SLC26A6: variants seen among roughly 807,000 people sequenced by gnomAD.
SLC26A6 encodes the protein solute carrier family 26 member 6.
Under a neutral mutation model 87.1 loss-of-function variants are expected in SLC26A6, and 67 were observed. The observed-to-expected ratio is 0.77, with a 90% confidence interval of 0.63 to 0.94. SLC26A6 has a LOEUF of 0.94. Ranked by LOEUF, SLC26A6 falls within the 40% of genes least tolerant of loss-of-function variation. The pLI, the probability that SLC26A6 is intolerant of heterozygous loss-of-function variation, is 0.00. For missense variants in SLC26A6, 902 were observed against 973.0 expected (o/e 0.93, Z 0.97); for synonymous variants, 414 against 405.9 (o/e 1.02, Z -0.24).
At position 48,627,962 on chromosome 3, in the gene SLC26A6, T is replaced by C; in HGVS notation, c.1877A>G (p.Glu626Gly). The C allele has an allele frequency of 6.3e-7, 1 of 1,593,402 alleles. No homozygotes were observed. Among genetic ancestry groups the C allele is most frequent in the Non-Finnish European group, 8.5e-7 (1 of 1,173,774 alleles). The change falls in exon 17 of 21, where the codon GAG becomes GGG. Residue 626 changes from glutamate (E) to glycine (G), a missense_variant. This residue lies in a region of SLC26A6 where 800 missense variants were observed against 856.8 expected (regional missense o/e 0.93). Coordinates refer to ENST00000395550, the MANE Select transcript of SLC26A6 (RefSeq NM_022911.3). ...SLEDMRSNNV[E>G]DCKMMQVSSG... Reference sequence around the variant, plus strand: ...CAGTCTCACCATCATCTTGCAGTCCTCAACGTTGTTGCTCCTCATGTCTTC... The same window carrying C: ...CAGTCTCACCATCATCTTGCAGTCCCCAACGTTGTTGCTCCTCATGTCTTC...
At position 48,630,119 on chromosome 3, in the gene SLC26A6, G is replaced by A. The variant is rs748919840; in HGVS notation, c.1365C>T (p.Gly455=). Residue 455 remains glycine, a synonymous_variant, in exon 12 of 21, where the codon GGC becomes GGT. Coordinates refer to ENST00000395550, the MANE Select transcript of SLC26A6 (RefSeq NM_022911.3). ...LAAIIIVNLK[G]MLRQLSDMRS... ...GCATGTCGCTGAGCTGCCTCAGCAT[G>A]CCCTTCAGGTTCACAATGATGATGG... is the stretch of plus-strand genomic sequence containing the variant. The A allele has an allele frequency of 1.2e-6, 2 of 1,610,898 alleles. No homozygotes were observed. The highest frequency in any genetic ancestry group is 2.7e-5 in the African/African-American group (2 of 74,884).
At chr3:48,629,791 C>T in intron 13 of SLC26A6, 80 bp from the exon 14 acceptor site, 1 of 1,610,670 alleles carries the variant, frequency 6.2e-7, no homozygotes, top group Non-Finnish European at 8.5e-7. Context: ...CTGAAGTCCC[C>T]AGAGATGTGG....
In SLC26A6 at chr3:48,632,038, G is replaced by T. The variant is rs746082348; in HGVS notation, c.592C>A (p.Leu198Met). 6.8e-6 allele frequency: 11 copies of T among 1,613,228 alleles called. No individual in the cohort carries two copies. Among genetic ancestry groups the T allele is most frequent in the Non-Finnish European group, 9.3e-6 (11 of 1,179,934 alleles). The stretch of plus-strand genomic sequence containing the variant: ...ACGAAGCCGAAGTGGATCAGGCCCA[G>T]CCCCACCTGTGGGGCGGCCAGGGGC... ...SVLVGLFQVG[L>M]GLIHFGFVVT... is the part of the protein sequence containing the mutation. The change falls in exon 6 of 21, where the codon CTG (leucine) becomes ATG (methionine). Residue 198 changes from leucine to methionine, a missense_variant. Physicochemically the swap from Leu to Met is conservative, Grantham distance 15. This residue lies in a region of SLC26A6 where 800 missense variants were observed against 856.8 expected (regional missense o/e 0.93). Coordinates refer to ENST00000395550, the MANE Select transcript of SLC26A6 (RefSeq NM_022911.3).
chr3:48,631,003 T>C lies in SLC26A6; in HGVS notation c.1124A>G (p.Asp375Gly). ...CCGCATCACCCAGACCTGGTTGCTG[T>C]CCACCCGGTAGCCGTGCCTCAGGGC... ...IFALRHGYRV[D>G]SNQELVALGL... The change falls in exon 9 of 21, where the codon GAC (aspartate) becomes GGC (glycine). Residue 375 changes from aspartate (D) to glycine (G), a missense_variant. This residue lies in a region of SLC26A6 where 800 missense variants were observed against 856.8 expected (regional missense o/e 0.93). Transcript: ENST00000395550. The C allele has an allele frequency of 6.2e-7, 1 of 1,613,758 alleles. No homozygotes were observed.
intron 17 of SLC26A6, chr3:48,627,290 G>A (rs1183895009): frequency 1.1e-5 from 6 of 538,614 alleles, no homozygotes; most frequent in Admixed American, 3.5e-5. Flanking sequence ...CTGGGCCGAC[G>A]CTGCACAGGG....
rs778865498 is a variant in SLC26A6 at position 48,627,029 on chromosome 3, T to C, written c.1920A>G (p.Glu640=). The C allele has an allele frequency of 6.2e-7, 1 of 1,613,916 alleles. No homozygotes were observed. Among genetic ancestry groups the C allele is most frequent in the Non-Finnish European group, 8.5e-7 (1 of 1,179,966 alleles). The stretch of plus-strand genomic sequence containing the variant: ...CTTCTTGACCATTGGCTGTTGCATC[T>C]TCCATCTTATCTCCTGAGCTCACCT... ...MMQVSSGDKM[E]DATANGQEDS... Residue 640 remains glutamate, a synonymous_variant, in exon 18 of 21, where the codon GAA becomes GAG. Coordinates refer to ENST00000395550, the MANE Select transcript of SLC26A6 (RefSeq NM_022911.3).
rs1246136529 is a variant in SLC26A6, at chr3:48,628,343, G to A, written c.1800+91C>T. ...GGAGAAAGGGGAAGGGATGAGGAGT[G>A]AGGACGAGGGAGGAGTCGGGGGCCA... On this transcript the variant is annotated intron_variant, in intron 16 of 20. Transcript: ENST00000395550. This position sits in a 1 kb window ranked among gnomAD's most constrained non-coding sequence, Gnocchi z 4.4. The A allele has an allele frequency of 6.6e-7, 1 of 1,523,802 alleles. No individual in the cohort carries two copies. The highest frequency in any genetic ancestry group is 2.2e-5 in the East Asian group (1 of 44,454). The allele number at this position is 1,523,802 out of a possible 1,614,324, so 94.4% of individuals were successfully genotyped here.
intron 7 of SLC26A6, 166 bp downstream of exon 7, chr3:48,631,483 G>A (rs746314665): frequency 4.5e-6 from 5 of 1,111,726 alleles, no homozygotes; most frequent in Admixed American, 2.8e-5. Flanking sequence ...TGCTGTCAGG[G>A]GCAGGAAGAA....
In SLC26A6 at chr3:48,633,765, C is replaced by G. The variant is rs563160403; in HGVS notation, c.24-130G>C. 1.7e-5 allele frequency: 26 copies of G among 1,490,578 alleles called. No homozygotes were observed. The East Asian group carries it at 3.7e-4, about 21-fold the overall frequency. The allele number at this position is 1,490,578 out of a possible 1,614,324, so 92.3% of individuals were successfully genotyped here. A position where few individuals can be genotyped will look rare whatever the true frequency, so the allele number is the denominator to read the frequency against. Reference sequence around the variant, plus strand: ...CTAAGATCAAGGTACAGTATTCCAGCCCCCAGCTGGCATCTGTGGGCCACA... The same window carrying G: ...CTAAGATCAAGGTACAGTATTCCAGGCCCCAGCTGGCATCTGTGGGCCACA... On this transcript the variant is annotated intron_variant, in intron 1 of 20. Transcript: ENST00000395550.
Position 48,626,344 on chromosome 3 carries a change from G to T in SLC26A6, c.2139C>A (p.Val713=). 6.2e-7 allele frequency: 1 copy of T among 1,613,994 alleles called. No homozygotes were observed. Among genetic ancestry groups the T allele is most frequent in the South Asian group, 1.1e-5 (1 of 91,042 alleles). The part of the protein sequence containing the change: ...VYMAACHSPV[V]SQLEAGHFFD... ...AGAAGTGCCCAGCCTCAAGCTGGCT[G>T]ACCACAGGGCCTGTGGGCAAGAAGT... is the stretch of plus-strand genomic sequence containing the variant. The change falls in exon 20 of 21, where the codon GTC becomes GTA. Residue 713 remains valine, a synonymous_variant. Transcript: ENST00000395550.
chr3:48,628,683 C>T lies in SLC26A6; in HGVS notation c.1631G>A (p.Arg544His), dbSNP rs387907495. 24 of 1,613,440 alleles carry T rather than the reference C, an allele frequency of 1.5e-5. No individual in the cohort carries two copies. Among genetic ancestry groups the T allele is most frequent in the Non-Finnish European group, 1.9e-5 (22 of 1,179,820 alleles). The stretch of plus-strand genomic sequence containing the variant: ...GGCAAAGTACACGGTGGCCGAGGAG[C>T]GGAAGACCTTCACCCCCCGGACTTC... ...AKEVRGVKVF[R>H]SSATVYFANA... is the part of the protein sequence containing the mutation. Residue 544 changes from arginine to histidine, a missense_variant, in exon 15 of 21, where the codon CGC (arginine) becomes CAC (histidine). Around this residue, in one of 3 missense-constraint regions of SLC26A6, gnomAD observed 800 missense variants for 856.8 expected, o/e 0.93. Transcript: ENST00000395550. This position sits in a 1 kb window ranked among gnomAD's most constrained non-coding sequence, Gnocchi z 4.4.
rs1559470831 is a variant in SLC26A6, at chr3:48,633,458, GCC to G, written c.182+17_182+18del. The G allele has an allele frequency of 1.2e-6, 2 of 1,612,456 alleles. No homozygotes were observed. Among genetic ancestry groups the G allele is most frequent in the Non-Finnish European group, 1.7e-6 (2 of 1,179,542 alleles). ...ACCTGGGCCCCGCCAGCGCCCCCAG[GCC>G]CCAATCTTGGCCTTACTGCAACCAG... On this transcript the variant is annotated intron_variant, in intron 2 of 20. Coordinates refer to ENST00000395550, the MANE Select transcript of SLC26A6 (RefSeq NM_022911.3).
At chr3:48,634,713 T>A in intron 1 of SLC26A6, 10 of 985,302 alleles carry the variant, frequency 1.0e-5, no homozygotes, top group Non-Finnish European at 1.2e-5. Context: ...GGATCCCATT[T>A]GAGGGACAGG....
At chr3:48,627,848 C>T (rs2106647170) in intron 17 of SLC26A6, 98 bp downstream of exon 17, 17 of 1,184,484 alleles carry the variant, frequency 1.4e-5, no homozygotes, top group Non-Finnish European at 1.9e-5. Context: ...CACCCTCGAG[C>T]CCACAGCTGC....
At position 48,630,651 on chromosome 3, in the gene SLC26A6, T is replaced by C. The variant is rs377008190; in HGVS notation, c.1204A>G (p.Met402Val). ...CTCTCCTGTACCAGGCTCCGAGACA[T>C]AGAGCAACTCACGGGGAAGCACTGG... ...IFQCFPVSCSMSRSLVQESTG... is the reference protein window; with the variant it reads ...IFQCFPVSCSVSRSLVQESTG... Residue 402 changes from methionine to valine, a missense_variant, in exon 10 of 21, where the codon ATG becomes GTG. By Grantham distance (21) the Met-to-Val change is conservative (BLOSUM62 1). Around this residue, in one of 3 missense-constraint regions of SLC26A6, gnomAD observed 800 missense variants for 856.8 expected, o/e 0.93. Transcript: ENST00000395550. 5 of 1,598,642 alleles carry C rather than the reference T, an allele frequency of 3.1e-6. No homozygotes were observed. Among genetic ancestry groups the C allele is most frequent in the African/African-American group, 1.3e-5 (1 of 74,694 alleles).
At position 48,631,750 on chromosome 3, in the gene SLC26A6, C is replaced by T. The variant is rs1040234736; in HGVS notation, c.802G>A (p.Val268Ile). The change falls in exon 7 of 21, where the codon GTC becomes ATC. Residue 268 changes from valine (V) to isoleucine (I), a missense_variant. This residue lies in a region of SLC26A6 where 800 missense variants were observed against 856.8 expected (regional missense o/e 0.93). Coordinates refer to ENST00000395550, the MANE Select transcript of SLC26A6 (RefSeq NM_022911.3). The stretch of plus-strand genomic sequence containing the variant: ...ACCACCCCAGCCACAGCTGCAGTGA[C>T]CACGGTGCCAACCTTGCTCTGGGGC... Reference protein sequence around the residue: ...KLPQSKVGTVVTAAVAGVVLV... With the variant: ...KLPQSKVGTVITAAVAGVVLV... The T allele has an allele frequency of 4.3e-6, 7 of 1,613,608 alleles. No individual in the cohort carries two copies. Among genetic ancestry groups the T allele is most frequent in the African/African-American group, 1.3e-5 (1 of 75,062 alleles).
chr3:48,627,538 C>G (rs1211751444), intron 17 of SLC26A6: 3 of 191,616 alleles, frequency 1.6e-5, no homozygotes, highest in Non-Finnish European at 3.2e-5. Flanking sequence ...TCACAGGCAC[C>G]ATTAGAGCGC....
intron 4 of SLC26A6, 151 bp downstream of exon 4, chr3:48,632,823 T>C: frequency 1.3e-6 from 1 of 787,028 alleles, no homozygotes; most frequent in Non-Finnish European, 2.1e-6. Flanking sequence ...GGTCTAGTCC[T>C]GCCTGGGGAT....
rs2106639944 is a variant in SLC26A6, at chr3:48,626,226, G to A, written c.2257C>T (p.Pro753Ser). Residue 753 changes from proline (P) to serine (S), a missense_variant, in exon 20 of 21, where the codon CCT (proline) becomes TCT (serine). Coordinates refer to ENST00000395550, the MANE Select transcript of SLC26A6 (RefSeq NM_022911.3). ...LQHPRPVPDS[P>S]VSVTRL ...GCCAGAGGTAGGCTCACCGAAACAGGGCTGTCGGGGACAGGCCTCGGGTGT... is the reference window on the plus strand; with the variant it reads ...GCCAGAGGTAGGCTCACCGAAACAGAGCTGTCGGGGACAGGCCTCGGGTGT... 6.2e-7 allele frequency: 1 copy of A among 1,614,074 alleles called. No homozygotes were observed. The highest frequency in any genetic ancestry group is 1.6e-4 in the Middle Eastern group (1 of 6,062).
Sources: allele counts gnomAD v4.1 joint callset, GRCh38; gene constraint gnomAD v4.1.1; regional missense constraint gnomAD v4.1.1; non-coding constraint Gnocchi (gnomAD v3.1); transcripts MANE v1.5; gene names NCBI Gene and HGNC (gene_info 2026-07-23, HGNC 2026-07-21).